Variants in SNTG2 observed in about 807,000 individuals in gnomAD.
SNTG2 encodes gamma-2-syntrophin.
Under a neutral mutation model 70.9 loss-of-function variants are expected in SNTG2, and 74 were observed. The observed-to-expected ratio is 1.04, with a 90% CI of 0.86 to 1.27. The LOEUF is 1.27. Ranked by LOEUF, SNTG2 falls within the 50% of genes most tolerant of loss-of-function variation. SNTG2 has a pLI of 0.00. For synonymous variants in SNTG2, 278 were observed against 273.8 expected (o/e 1.02, Z -0.15); for missense variants, 717 against 690.7 (o/e 1.04, Z -0.43).
intron 16 of SNTG2, among the ~76,000 whole-genome samples, chr2:1,366,106 A>C (rs921651715): frequency 1.3e-5 from 2 of 152,200 alleles, no homozygotes; most frequent in African/African-American, 2.4e-5. Context: ...TCATCTCAGC[A>C]GTTTAGAATA....
rs149345660 is a variant in SNTG2 at position 1,206,672 on chromosome 2, G to C, written c.592-2431G>C. On this transcript the variant is annotated intron_variant, in intron 8 of 16. Coordinates refer to ENST00000308624, the MANE Select transcript of SNTG2 (RefSeq NM_018968.4). ...GGCCTCCAAGTGAAAAGCGTCCTAT[G>C]AAAGTCCACAGTCTGGAGCCAAAGC... Among the ~76,000 whole-genome samples the C allele has an allele frequency of 1.8e-4, 28 of 152,246 alleles. 3 individuals carry two copies. The highest frequency in any genetic ancestry group is 6.5e-4 in the African/African-American group (27 of 41,548).
intron 1 of SNTG2, among the ~76,000 whole-genome samples, chr2:964,018 C>T (rs1054695990): frequency 6.6e-6 from 1 of 152,116 alleles, no homozygotes; most frequent in Admixed American, 6.5e-5. Flanking sequence ...CAAGGCTCAG[C>T]GATCCACGCA....
chr2:1,040,848 A>C (rs73908666), intron 1 of SNTG2, among the ~76,000 whole-genome samples: 2,195 of 152,272 alleles, frequency 0.014, 61 homozygotes, highest in African/African-American at 0.051. Context: ...ATGCTTCAAA[A>C]ATATGCCTGT....
chr2:1,042,058 G>C (rs1467204116), intron 1 of SNTG2, among the ~76,000 whole-genome samples: 1 of 152,106 alleles, frequency 6.6e-6, no homozygotes, highest in African/African-American at 2.4e-5. Flanking sequence ...AAGAACTAAG[G>C]CTACAAATGA....
intron 1 of SNTG2, chr2:1,068,350 T>C (rs1420590571): frequency 6.6e-6 from 1 of 152,282 alleles, no homozygotes; most frequent in East Asian, 1.9e-4. Flanking sequence ...CTCCTAATAT[T>C]GGACATTCAA....
chr2:990,524 C>G (rs1661455341), intron 1 of SNTG2, among the ~76,000 whole-genome samples: 1 of 152,202 alleles, frequency 6.6e-6, no homozygotes, highest in East Asian at 1.9e-4. Flanking sequence ...GGGCACAGAT[C>G]ACATGAGGAG....
chr2:1,185,469 C>G (rs1237254431), intron 8 of SNTG2, among the ~76,000 whole-genome samples: 1 of 152,196 alleles, frequency 6.6e-6, no homozygotes, highest in Non-Finnish European at 1.5e-5. Context: ...AGGCTTCTCC[C>G]CTGCAGCAGA....
intron 12 of SNTG2, among the ~76,000 whole-genome samples, chr2:1,252,750 C>T (rs779381648): frequency 2.0e-5 from 3 of 152,164 alleles, no homozygotes; most frequent in Non-Finnish European, 4.4e-5. Context: ...CATATTTGCA[C>T]TCCAGCCTGG....
At chr2:1,006,411 A>G (rs75780213) in intron 1 of SNTG2, among the ~76,000 whole-genome samples, 5 of 151,312 alleles carry the variant, frequency 3.3e-5, no homozygotes, top group African/African-American at 1.2e-4. Context: ...TCAAAAAAAA[A>G]AGAAAATTCT....
intron 14 of SNTG2, among the ~76,000 whole-genome samples, chr2:1,283,952 T>C (rs913809216): frequency 2.0e-5 from 3 of 152,172 alleles, no homozygotes; most frequent in Admixed American, 1.3e-4. Context: ...CTGGGAATTA[T>C]GTTTGACAGC....
At chr2:973,117 C>A (rs1054975378) in intron 1 of SNTG2, among the ~76,000 whole-genome samples, 18 of 152,144 alleles carry the variant, frequency 1.2e-4, no homozygotes, top group African/African-American at 4.1e-4. Flanking sequence ...ATTCTTATAG[C>A]AAATTAAAAA....
At chr2:1,193,547 G>A (rs958344440) in intron 8 of SNTG2, among the ~76,000 whole-genome samples, 1 of 152,000 alleles carries the variant, frequency 6.6e-6, no homozygotes, top group African/African-American at 2.4e-5. Context: ...ATTGCTAGTG[G>A]CCACAGTGAT....
At chr2:1,076,380 C>G (rs889870589) in intron 1 of SNTG2, among the ~76,000 whole-genome samples, 4 of 152,176 alleles carry the variant, frequency 2.6e-5, no homozygotes, top group African/African-American at 9.7e-5. Context: ...CTTCCAGCAC[C>G]TGATATGCAT....
intron 1 of SNTG2, among the ~76,000 whole-genome samples, chr2:985,735 G>A (rs1157394244): frequency 6.6e-6 from 1 of 152,130 alleles, no homozygotes; most frequent in Non-Finnish European, 1.5e-5. Flanking sequence ...AGGACCGTCT[G>A]AGAGCAGTTT....
intron 15 of SNTG2, among the ~76,000 whole-genome samples, chr2:1,315,392 C>A (rs1036322763): frequency 6.6e-6 from 1 of 152,064 alleles, no homozygotes. Context: ...TTTCTGCAGC[C>A]CCTTTGTCTC....
At chr2:1,069,939 G>A (rs531361530) in intron 1 of SNTG2, among the ~76,000 whole-genome samples, 12 of 152,144 alleles carry the variant, frequency 7.9e-5, no homozygotes, top group African/African-American at 2.9e-4. Flanking sequence ...ACTCCTCACC[G>A]CCTAGGTTCC....
intron 1 of SNTG2, among the ~76,000 whole-genome samples, chr2:972,687 C>T (rs1319580113): frequency 1.3e-5 from 2 of 152,020 alleles, no homozygotes; most frequent in African/African-American, 4.8e-5. Flanking sequence ...TGGTACTGTC[C>T]TCCTGATAGT....
chr2:1,332,986 A>G (rs962264265), intron 16 of SNTG2, among the ~76,000 whole-genome samples: 4 of 152,188 alleles, frequency 2.6e-5, no homozygotes, highest in African/African-American at 9.6e-5. Context: ...AATCAATGAC[A>G]TCTAAAATTT....
intron 1 of SNTG2, among the ~76,000 whole-genome samples, chr2:1,018,546 G>A (rs938698140): frequency 1.3e-5 from 2 of 152,108 alleles, no homozygotes; most frequent in Admixed American, 6.6e-5. Flanking sequence ...ATGGTGGGCA[G>A]GGTTGGGGCC....
Sources: gnomAD v4.1 joint callset for allele counts (sites outside exome capture counted in the v4.1 genomes callset) on GRCh38, gnomAD v4.1.1 for gene constraint, MANE v1.5 for transcripts, NCBI Gene and HGNC (gene_info 2026-07-23, HGNC 2026-07-21) for gene names.